The following EBF1 variants were observed in gnomAD, a reference collection of about 807,000 sequenced individuals.
EBF1 encodes transcription factor COE1.
EBF1 carries 10 observed loss-of-function variants against 68.4 expected under a neutral mutation model. That is an observed-to-expected ratio of 0.15 (90% CI 0.09 to 0.25). The LOEUF is 0.25. EBF1 is among the 10% of genes least tolerant of loss of function. The pLI is 1.00. For synonymous variants in EBF1, 298 were observed against 299.8 expected (o/e 0.99, Z 0.06); for missense variants, 509 against 794.4 (o/e 0.64, Z 4.32).
intron 8 of EBF1, among the ~76,000 whole-genome samples, chr5:158,806,864 G>A (rs1035874005): frequency 6.6e-6 from 1 of 152,102 alleles, no homozygotes; most frequent in African/African-American, 2.4e-5. Flanking sequence ...TCCTAAATGA[G>A]GACAGCTGAC....
At chr5:158,957,666 T>A (rs1439582921) in intron 6 of EBF1, among the ~76,000 whole-genome samples, 4 of 152,226 alleles carry the variant, frequency 2.6e-5, no homozygotes. Flanking sequence ...TTCTTTTTAT[T>A]TGGGTCTGGC....
intron 6 of EBF1, among the ~76,000 whole-genome samples, chr5:158,855,963 T>C (rs974022836): frequency 6.6e-6 from 1 of 152,208 alleles, no homozygotes. Context: ...TTCTTAAGCA[T>C]GGCAGGAAGA....
At chr5:158,946,167 T>G (rs1427343863) in intron 6 of EBF1, among the ~76,000 whole-genome samples, 1 of 152,164 alleles carries the variant, frequency 6.6e-6, no homozygotes, top group Non-Finnish European at 1.5e-5. Flanking sequence ...TTACCCACCT[T>G]CTGAAGCCTA....
intron 6 of EBF1, among the ~76,000 whole-genome samples, chr5:158,854,062 A>G (rs918947108): frequency 8.5e-5 from 13 of 152,218 alleles, no homozygotes; most frequent in African/African-American, 3.1e-4. Flanking sequence ...ATTTGAAGAG[A>G]AGCTGGAAAT....
At chr5:159,008,303 T>C (rs1265606181) in intron 6 of EBF1, among the ~76,000 whole-genome samples, 5 of 152,218 alleles carry the variant, frequency 3.3e-5, no homozygotes, top group Non-Finnish European at 5.9e-5. Flanking sequence ...TCACATGATA[T>C]TTATAACCAT....
chr5:159,014,263 A>G (rs1765229724), intron 6 of EBF1, among the ~76,000 whole-genome samples: 1 of 152,252 alleles, frequency 6.6e-6, no homozygotes, highest in South Asian at 2.1e-4. Context: ...TTTAATAGTG[A>G]AAACAGATCA....
intron 6 of EBF1, among the ~76,000 whole-genome samples, chr5:158,942,297 C>CT (rs1339538638): frequency 2.0e-5 from 3 of 152,174 alleles, no homozygotes; most frequent in Non-Finnish European, 2.9e-5. Context: ...ATATCATTAA[C>CT]TAACTGTCAA....
chr5:158,698,879 A>AT lies in EBF1; in HGVS notation c.*231dup, dbSNP rs999338227. 1 of 418,444 alleles carries AT rather than the reference A, an allele frequency of 2.4e-6. No individual in the cohort carries two copies. The highest frequency in any genetic ancestry group is 3.5e-5 in the East Asian group (1 of 28,614). The allele number at this position is 418,444 out of a possible 1,614,324, so 25.9% of individuals were successfully genotyped here. On this transcript the variant is annotated 3_prime_UTR_variant, in exon 16 of 16. Transcript: ENST00000313708. ...GCTTTTGTCAATACAGAATAAATAT[A>AT]TCCCCCAAATACTTGGGAGGTACAA...
chr5:159,076,677 G>C (rs1467178665), intron 5 of EBF1, among the ~76,000 whole-genome samples: 1 of 152,170 alleles, frequency 6.6e-6, no homozygotes, highest in East Asian at 1.9e-4. Context: ...CATGTCTCCT[G>C]TTTCTTGGGT....
intron 6 of EBF1, among the ~76,000 whole-genome samples, chr5:158,845,434 G>A (rs1183385828): frequency 1.3e-5 from 2 of 152,154 alleles, no homozygotes; most frequent in Non-Finnish European, 2.9e-5. Context: ...TCTGTAAGAT[G>A]GGAGGAACAT....
intron 10 of EBF1, among the ~76,000 whole-genome samples, chr5:158,775,939 G>A (rs561814985): frequency 6.6e-6 from 1 of 152,208 alleles, no homozygotes; most frequent in East Asian, 1.9e-4. Flanking sequence ...CTGAACCAAT[G>A]AGCCTAATTA....
chr5:158,969,475 T>A lies in EBF1; in HGVS notation c.554+103921A>T, dbSNP rs375639251. 2.6e-5 allele frequency among the ~76,000 whole-genome samples: 4 copies of A among 151,502 alleles called. No individual in the cohort carries two copies. The East Asian group carries it at 7.8e-4, about 30-fold the overall frequency. On this transcript the variant is annotated intron_variant, in intron 6 of 15. Transcript: ENST00000313708. ...AAAATTAAAATGTCCCTAGAAAGAC[T>A]GCTAGGGGCCGGGGGCTGTGGCTCA...
chr5:158,728,940 A>T (rs1262203481), intron 11 of EBF1, among the ~76,000 whole-genome samples: 3 of 152,178 alleles, frequency 2.0e-5, no homozygotes, highest in Non-Finnish European at 4.4e-5. Context: ...TCCTTACATG[A>T]TCCCCTATGA....
In EBF1 at chr5:159,096,333, C is replaced by T. The variant is rs758612180; in HGVS notation, c.355+10G>A. ...CCAGGGTGAGGCCATAGACCCGACC[C>T]GGGCCTCACCATTGCTGTAGAGAAG... On this transcript the variant is annotated intron_variant, in intron 3 of 15. Coordinates refer to ENST00000313708, the MANE Select transcript of EBF1 (RefSeq NM_024007.5). 2 of 1,612,394 alleles carry T rather than the reference C, an allele frequency of 1.2e-6. No individual in the cohort carries two copies. Among genetic ancestry groups the T allele is most frequent in the African/African-American group, 1.3e-5 (1 of 75,020 alleles).
chr5:159,009,222 T>C (rs1269215742), intron 6 of EBF1, among the ~76,000 whole-genome samples: 1 of 152,248 alleles, frequency 6.6e-6, no homozygotes, highest in East Asian at 1.9e-4. Flanking sequence ...GATGTCTTCA[T>C]TCAGATAATC....
At chr5:158,914,872 C>T (rs1806811678) in intron 6 of EBF1, among the ~76,000 whole-genome samples, 1 of 152,158 alleles carries the variant, frequency 6.6e-6, no homozygotes, top group South Asian at 2.1e-4. Context: ...AATATGCATA[C>T]ATTACCATAC....
At chr5:158,867,272 TG>T (rs1282370081) in intron 6 of EBF1, among the ~76,000 whole-genome samples, 1 of 152,122 alleles carries the variant, frequency 6.6e-6, no homozygotes, top group Non-Finnish European at 1.5e-5. Flanking sequence ...TGGTGGTTGT[TG>T]GGTGTTGGGT....
In EBF1 at chr5:159,099,590, T is replaced by A; in HGVS notation, c.-112A>T. 1.5e-6 allele frequency: 2 copies of A among 1,345,022 alleles called. No homozygotes were observed. The highest frequency in any genetic ancestry group is 1.9e-6 in the Non-Finnish European group (2 of 1,032,242). 83.3% of individuals were successfully genotyped at this position (1,345,022 alleles called of 1,614,324 possible). On this transcript the variant is annotated 5_prime_UTR_variant, in exon 1 of 16. Transcript: ENST00000313708. ...AGAAACAAAAACGCCAACCAGAGAT[T>A]TTTTTTTTTCTCAGACGATGAACTC...
At chr5:158,928,321 CA>C (rs1323187251) in intron 6 of EBF1, among the ~76,000 whole-genome samples, 110 of 152,288 alleles carry the variant, frequency 7.2e-4, no homozygotes, top group African/African-American at 2.5e-3. Context: ...TAAATATGTT[CA>C]TTCATTGTTC....
Sources: allele counts gnomAD v4.1 joint callset (sites outside exome capture counted in the v4.1 genomes callset), GRCh38; gene constraint gnomAD v4.1.1; transcripts MANE v1.5; gene names NCBI Gene and HGNC (gene_info 2026-07-23, HGNC 2026-07-21).